The following TRAPPC9 variants were observed in gnomAD, a reference collection of about 807,000 sequenced individuals.
The protein encoded by TRAPPC9 is IKK2 binding protein.
Under a neutral mutation model 124.0 loss-of-function variants are expected in TRAPPC9, and 83 were observed. That is an observed-to-expected ratio of 0.67 (90% CI 0.56 to 0.80). The LOEUF (loss-of-function observed/expected upper bound fraction) is 0.80, where lower values mean the gene tolerates loss of function less well. Ranked by LOEUF, TRAPPC9 falls within the 30% of genes least tolerant of loss-of-function variation. The pLI, the probability that TRAPPC9 is intolerant of heterozygous loss-of-function variation, is 0.00. For synonymous variants in TRAPPC9, 638 were observed against 617.5 expected, an observed-to-expected ratio of 1.03 and a Z score of -0.49; for missense variants, 1,302 against 1,508.3, an observed-to-expected ratio of 0.86 and a Z score of 2.27.
intron 17 of TRAPPC9, among the ~76,000 whole-genome samples, chr8:140,118,900 A>T (rs1400713393): frequency 6.6e-6 from 1 of 152,216 alleles, no homozygotes; most frequent in Non-Finnish European, 1.5e-5. Context: ...CTGGCCCTGC[A>T]GTGTGTCCTG....
intron 18 of TRAPPC9, among the ~76,000 whole-genome samples, chr8:140,019,844 G>A (rs559523704): frequency 4.8e-4 from 73 of 151,658 alleles, no homozygotes; most frequent in Middle Eastern, 3.4e-3. Flanking sequence ...GAGCCACCAC[G>A]CCTGGCCGTC....
intron 17 of TRAPPC9, among the ~76,000 whole-genome samples, chr8:140,117,318 C>G (rs1587741514): frequency 1.3e-5 from 2 of 152,160 alleles, no homozygotes; most frequent in South Asian, 4.1e-4. Flanking sequence ...ATACCTAAGA[C>G]TGGGTAATTT....
chr8:140,394,029 G>A (rs548686519), intron 7 of TRAPPC9, among the ~76,000 whole-genome samples: 1 of 152,332 alleles, frequency 6.6e-6, no homozygotes, highest in Admixed American at 6.5e-5. Context: ...TCCACAGGAA[G>A]AAAGAGCAAA....
intron 21 of TRAPPC9, among the ~76,000 whole-genome samples, chr8:139,752,605 A>T (rs563476823): frequency 1.1e-4 from 16 of 150,144 alleles, no homozygotes; most frequent in African/African-American, 3.9e-4. Context: ...CCATTCACAC[A>T]TCCATCTACT....
chr8:139,785,480 G>A (rs553822485), intron 21 of TRAPPC9, among the ~76,000 whole-genome samples: 14 of 151,962 alleles, frequency 9.2e-5, no homozygotes, highest in African/African-American at 2.9e-4. Flanking sequence ...AGTGGATCGC[G>A]TGAGGCCAGG....
chr8:139,797,308 G>A (rs547281430), intron 21 of TRAPPC9, among the ~76,000 whole-genome samples: 1 of 152,240 alleles, frequency 6.6e-6, no homozygotes, highest in South Asian at 2.1e-4. Flanking sequence ...CGCCCAGGCT[G>A]GAGTGCAGTG....
intron 9 of TRAPPC9, among the ~76,000 whole-genome samples, chr8:140,314,728 A>G (rs932190975): frequency 1.3e-5 from 2 of 152,330 alleles, no homozygotes; most frequent in East Asian, 1.9e-4. Flanking sequence ...TTCACTTAAC[A>G]TATGCCCTCC....
chr8:139,857,019 G>A (rs1416295814), intron 21 of TRAPPC9, among the ~76,000 whole-genome samples: 1 of 152,074 alleles, frequency 6.6e-6, no homozygotes, highest in Non-Finnish European at 1.5e-5. Flanking sequence ...AGGAGCAACG[G>A]GACAGTCGGG....
chr8:140,344,651 T>C (rs2067285760), intron 9 of TRAPPC9, among the ~76,000 whole-genome samples: 1 of 152,106 alleles, frequency 6.6e-6, no homozygotes, highest in African/African-American at 2.4e-5. Flanking sequence ...AAAAAACAAG[T>C]GCAAGGTCCC....
chr8:139,876,849 C>T (rs1371468067), intron 21 of TRAPPC9, among the ~76,000 whole-genome samples: 4 of 152,214 alleles, frequency 2.6e-5, no homozygotes, highest in Admixed American at 6.5e-5. Flanking sequence ...TTTGTATCTG[C>T]TGTCCGCTAT....
At chr8:140,331,443 A>G (rs574349061) in intron 9 of TRAPPC9, among the ~76,000 whole-genome samples, 28 of 152,216 alleles carry the variant, frequency 1.8e-4, no homozygotes, top group Non-Finnish European at 3.2e-4. Flanking sequence ...ACTCAAAAGC[A>G]CAGGCCAATA....
chr8:139,859,351 G>A (rs909186375), intron 21 of TRAPPC9, among the ~76,000 whole-genome samples: 5 of 152,024 alleles, frequency 3.3e-5, no homozygotes, highest in East Asian at 1.9e-4. Flanking sequence ...AATCACTACC[G>A]CTCACTGTCC....
intron 21 of TRAPPC9, among the ~76,000 whole-genome samples, chr8:139,857,570 A>C (rs1267124872): frequency 3.9e-5 from 6 of 152,220 alleles, no homozygotes; most frequent in Admixed American, 3.9e-4. Context: ...CGAGGAAGGC[A>C]TGGTGGCCAC....
At chr8:139,855,794 C>T (rs1827764243) in intron 21 of TRAPPC9, among the ~76,000 whole-genome samples, 1 of 152,222 alleles carries the variant, frequency 6.6e-6, no homozygotes, top group African/African-American at 2.4e-5. Context: ...TGTGAAGAGG[C>T]CACTTGATGC....
chr8:139,802,277 T>C (rs979545401), intron 21 of TRAPPC9, among the ~76,000 whole-genome samples: 1 of 152,100 alleles, frequency 6.6e-6, no homozygotes, highest in African/African-American at 2.4e-5. Flanking sequence ...AATGAGGCCA[T>C]GGGTTCCTGC....
intron 7 of TRAPPC9, among the ~76,000 whole-genome samples, chr8:140,380,727 A>G (rs1044745875): frequency 1.3e-5 from 2 of 151,940 alleles, no homozygotes; most frequent in African/African-American, 4.8e-5. Context: ...AATTAACTCA[A>G]AATGGGTCAC....
intron 17 of TRAPPC9, among the ~76,000 whole-genome samples, chr8:140,136,161 A>T (rs545092272): frequency 6.6e-6 from 1 of 152,240 alleles, no homozygotes; most frequent in Admixed American, 6.5e-5. Flanking sequence ...TAAAAAAAAA[A>T]TAGACAAGGG....
intron 11 of TRAPPC9, among the ~76,000 whole-genome samples, chr8:140,294,596 A>C (rs1168877151): frequency 6.6e-6 from 1 of 151,920 alleles, no homozygotes; most frequent in Admixed American, 6.6e-5. Flanking sequence ...ATTACATAAA[A>C]ATTTATTCTT....
intron 20 of TRAPPC9, among the ~76,000 whole-genome samples, chr8:139,898,891 G>A (rs1830834574): frequency 1.3e-5 from 2 of 152,062 alleles, no homozygotes; most frequent in South Asian, 2.1e-4. Context: ...AGGCTGAGGT[G>A]GGCGGATCAC....
Sources: gnomAD v4.1 joint callset for allele counts (sites outside exome capture counted in the v4.1 genomes callset) on GRCh38, gnomAD v4.1.1 for gene constraint, MANE v1.5 for transcripts, NCBI Gene and HGNC (gene_info 2026-07-23, HGNC 2026-07-21) for gene names.